The following RRAGC variants were observed in gnomAD, a reference collection of about 807,000 sequenced individuals.
RRAGC encodes the protein Ras related GTP binding C.
Under a neutral mutation model 37.1 loss-of-function variants are expected in RRAGC, and 8 were observed. The observed-to-expected ratio is 0.22, with a 90% CI of 0.13 to 0.39. The LOEUF (loss-of-function observed/expected upper bound fraction) is 0.39. Ranked by LOEUF, RRAGC falls within the 10% of genes least tolerant of loss-of-function variation. RRAGC has a pLI of 1.00. For synonymous variants in RRAGC, 190 were observed against 181.1 expected (o/e 1.05, Z -0.39); for missense variants, 342 against 497.6 (o/e 0.69, Z 2.98).
chr1:38,845,325 G>C (rs1360700577), intron 6 of RRAGC, among the ~76,000 whole-genome samples: 1 of 152,186 alleles, frequency 6.6e-6, no homozygotes, highest in Non-Finnish European at 1.5e-5. Flanking sequence ...GTCCTTTGCA[G>C]GGACATGGAT....
chr1:38,858,111 A>G (rs189426301), intron 1 of RRAGC, among the ~76,000 whole-genome samples: 1 of 152,052 alleles, frequency 6.6e-6, no homozygotes, highest in East Asian at 1.9e-4. Flanking sequence ...TAGTTTACTA[A>G]AAACCTACAG....
rs1398220222 is a variant in RRAGC at position 38,859,750 on chromosome 1, G to A, written c.-104C>T. On this transcript the variant is annotated 5_prime_UTR_variant, in exon 1 of 7. Transcript: ENST00000373001. ...CGCCGCCGCCGCCACCACCGCCACC[G>A]CCCCCGGCAGCCGCCACAGTCCGGC... 6.0e-6 allele frequency: 6 copies of A among 1,001,346 alleles called. No homozygotes were observed. The African/African-American group carries it at 6.8e-5, about 11-fold the overall frequency. The allele number at this position is 1,001,346 out of a possible 1,614,324, so 62.0% of individuals were successfully genotyped here.
chr1:38,852,295 G>T, intron 4 of RRAGC, 79 bp downstream of exon 4: 2 of 834,380 alleles, frequency 2.4e-6, no homozygotes, highest in Non-Finnish European at 4.1e-6. Context: ...AGACTTTTTT[G>T]GAAAATTTGA....
intron 2 of RRAGC, 105 bp from the exon 3 acceptor site, chr1:38,856,012 C>T (rs1384639069): frequency 2.9e-6 from 2 of 682,188 alleles, no homozygotes; most frequent in African/African-American, 3.6e-5. Context: ...AAATACTATC[C>T]TAATTATCAT....
At chr1:38,854,518 T>C (rs1243364134) in intron 3 of RRAGC, among the ~76,000 whole-genome samples, 1 of 152,124 alleles carries the variant, frequency 6.6e-6, no homozygotes, top group African/African-American at 2.4e-5. Context: ...AGGATCCCCA[T>C]GGAGCACTGG....
At position 38,839,674 on chromosome 1, in the gene RRAGC, C is replaced by T. The variant is rs553068233; in HGVS notation, c.1079G>A (p.Arg360Gln). Residue 360 changes from arginine to glutamine, a missense_variant, in exon 7 of 7, where the codon CGA becomes CAA. By Grantham distance (43) the Arg-to-Gln change is conservative. Around this residue, in one of 3 missense-constraint regions of RRAGC, gnomAD observed 104 missense variants for 127.0 expected, o/e 0.82. Coordinates refer to ENST00000373001, the MANE Select transcript of RRAGC (RefSeq NM_022157.4). ...GLIDYNFHCF[R>Q]KAIHEVFEVG... ...CTCAAAAACCTCATGAATAGCTTTTCGGAAACAGTGGAAGTTGTAGTCTAT... is the reference window on the plus strand; with the variant it reads ...CTCAAAAACCTCATGAATAGCTTTTTGGAAACAGTGGAAGTTGTAGTCTAT... 1.6e-5 allele frequency: 26 copies of T among 1,614,032 alleles called. 1 individual carries two copies. The highest frequency in any genetic ancestry group is 1.5e-4 in the South Asian group (14 of 91,080).
Position 38,845,966 on chromosome 1 carries a change from G to A in RRAGC, c.1021C>T (p.Leu341=), listed in dbSNP as rs1245776852. 6.2e-7 allele frequency: 1 copy of A among 1,610,860 alleles called. No homozygotes were observed. The highest frequency in any genetic ancestry group is 8.5e-7 in the Non-Finnish European group (1 of 1,178,986). The stretch of plus-strand genomic sequence containing the variant: ...TTTCTTTCAAAGCTTTCTTCCCTTA[G>A]AATGCAGACCAGTGCCAAAAATTTA... The part of the protein sequence containing the change: ...VTKFLALVCI[L]REESFERKGL... The change falls in exon 6 of 7, where the codon CTA becomes TTA. Residue 341 remains leucine (L), a synonymous_variant. Coordinates refer to ENST00000373001, the MANE Select transcript of RRAGC (RefSeq NM_022157.4).
intron 2 of RRAGC, among the ~76,000 whole-genome samples, chr1:38,856,413 A>T (rs1045855539): frequency 6.6e-6 from 1 of 152,212 alleles, no homozygotes; most frequent in Admixed American, 6.5e-5. Context: ...AAGGATAGGG[A>T]CTTGCCCCAT....
At position 38,845,921 on chromosome 1, in the gene RRAGC, T is replaced by C. The variant is rs768770543; in HGVS notation, c.1048+18A>G. On this transcript the variant is annotated intron_variant, in intron 6 of 6. Coordinates refer to ENST00000373001, the MANE Select transcript of RRAGC (RefSeq NM_022157.4). ...GCAAAGAAATTAACATAAAAACAGC[T>C]TTTTAAAATGCTATTACCTTTTCTT... 5.1e-6 allele frequency: 8 copies of C among 1,581,478 alleles called. No homozygotes were observed. Among genetic ancestry groups the C allele is most frequent in the South Asian group, 4.7e-5 (4 of 84,454 alleles).
chr1:38,853,303 T>C (rs1433005856), intron 3 of RRAGC, among the ~76,000 whole-genome samples: 1 of 152,166 alleles, frequency 6.6e-6, no homozygotes, highest in Non-Finnish European at 1.5e-5. Context: ...AAACACGTAT[T>C]TGAGAGGGAA....
Position 38,851,437 on chromosome 1 carries a change from T to A in RRAGC, c.899+178A>T, listed in dbSNP as rs1049163444. 12 of 462,610 alleles carry A rather than the reference T, an allele frequency of 2.6e-5. 1 individual carries two copies. In the South Asian group the frequency reaches 4.7e-4, roughly 18 times the overall value. The allele number at this position is 462,610 out of a possible 1,614,324, so 28.7% of individuals were successfully genotyped here. ...TTTTCTTAGCCATTCTCCGAAGGAG[T>A]AAGACCCAGCAGCCAACTTCCAGAG... On this transcript the variant is annotated intron_variant, in intron 5 of 6. Transcript: ENST00000373001.
chr1:38,851,934 G>A (rs1557586982), intron 4 of RRAGC, among the ~76,000 whole-genome samples, 177 bp from the exon 5 acceptor site: 1 of 152,048 alleles, frequency 6.6e-6, no homozygotes. Flanking sequence ...AATGAAAGAG[G>A]AATTATTTCT....
chr1:38,844,686 C>T (rs1047938934), intron 6 of RRAGC, among the ~76,000 whole-genome samples: 3 of 152,142 alleles, frequency 2.0e-5, no homozygotes, highest in Admixed American at 6.5e-5. Flanking sequence ...TCAGAGTGAA[C>T]AGGCAACCTA....
At chr1:38,851,489 T>C in intron 5 of RRAGC, 126 bp downstream of exon 5, 1 of 765,548 alleles carries the variant, frequency 1.3e-6, no homozygotes, top group Non-Finnish European at 1.9e-6. Flanking sequence ...TAAAGCACTA[T>C]GGTCAGAACA....
intron 1 of RRAGC, among the ~76,000 whole-genome samples, chr1:38,858,117 TAC>T (rs1202263638): frequency 3.3e-5 from 5 of 151,666 alleles, no homozygotes; most frequent in Admixed American, 1.3e-4. Context: ...ACTAAAAACC[TAC>T]AGTCAACGTA....
chr1:38,856,133 G>A (rs1557588495), intron 2 of RRAGC, among the ~76,000 whole-genome samples: 2 of 151,916 alleles, frequency 1.3e-5, no homozygotes, highest in East Asian at 3.9e-4. Context: ...ATTAATTTAA[G>A]AAAGAAAAAA....
chr1:38,857,208 T>C (rs1642178261), intron 1 of RRAGC, 126 bp from the exon 2 acceptor site: 1 of 641,424 alleles, frequency 1.6e-6, no homozygotes, highest in Non-Finnish European at 2.7e-6. Flanking sequence ...AAGTAGAAAC[T>C]GAATGGTGAA....
At chr1:38,854,504 C>A (rs959628438) in intron 3 of RRAGC, among the ~76,000 whole-genome samples, 4 of 152,206 alleles carry the variant, frequency 2.6e-5, no homozygotes, top group African/African-American at 7.2e-5. Flanking sequence ...TAAAGAGAAT[C>A]AGAAGGATCC....
chr1:38,856,939 G>A lies in RRAGC; in HGVS notation c.381C>T (p.Thr127=). 6.2e-7 allele frequency: 1 copy of A among 1,614,092 alleles called. No homozygotes were observed. Among genetic ancestry groups the A allele is most frequent in the Non-Finnish European group, 8.5e-7 (1 of 1,180,014 alleles). The change falls in exon 2 of 7, where the codon ACC becomes ACT. Residue 127 remains threonine, a synonymous_variant. Transcript: ENST00000373001. ...FPGQMDFFDP[T]FDYEMIFRGT... ...CCCTGAAGATCATCTCATAGTCAAA[G>A]GTTGGGTCAAAAAAGTCCATTTGCC...
Sources: allele counts gnomAD v4.1 joint callset (sites outside exome capture counted in the v4.1 genomes callset), GRCh38; gene constraint gnomAD v4.1.1; regional missense constraint gnomAD v4.1.1; transcripts MANE v1.5; gene names NCBI Gene and HGNC (gene_info 2026-07-23, HGNC 2026-07-21).